The following GUCY1A2 variants were observed in gnomAD, a reference collection of about 807,000 sequenced individuals.
The protein encoded by GUCY1A2 is guanylate cyclase soluble subunit alpha-2.
Under a neutral mutation model 63.5 loss-of-function variants are expected in GUCY1A2, and 27 were observed. That is an observed-to-expected ratio of 0.43 (90% CI 0.31 to 0.59). The LOEUF (loss-of-function observed/expected upper bound fraction) is 0.59, where lower values mean the gene tolerates loss of function less well. Among genes scored for constraint, GUCY1A2 ranks in the 20% least tolerant of loss-of-function variants. The pLI is 0.11. For missense variants in GUCY1A2, 768 were observed against 913.3 expected, an observed-to-expected ratio of 0.84 and a Z score of 2.05; for synonymous variants, 364 against 343.5, an observed-to-expected ratio of 1.06 and a Z score of -0.66.
chr11:106,911,660 C>T (rs993601485), intron 4 of GUCY1A2, among the ~76,000 whole-genome samples: 1 of 151,980 alleles, frequency 6.6e-6, no homozygotes, highest in African/African-American at 2.4e-5. Flanking sequence ...TGCACAGCAC[C>T]TAATATTTTT....
chr11:107,014,576 A>G (rs1861794192), intron 1 of GUCY1A2, among the ~76,000 whole-genome samples: 1 of 152,222 alleles, frequency 6.6e-6, no homozygotes, highest in Admixed American at 6.5e-5. Context: ...ATAGTATTAG[A>G]AATTATTATA....
intron 4 of GUCY1A2, among the ~76,000 whole-genome samples, chr11:106,902,189 C>A (rs922080142): frequency 2.0e-5 from 3 of 152,112 alleles, no homozygotes; most frequent in Non-Finnish European, 2.9e-5. Flanking sequence ...TTTACTTTGT[C>A]AAAGAGCACT....
At chr11:106,872,728 C>T (rs778354519) in intron 4 of GUCY1A2, among the ~76,000 whole-genome samples, 1 of 152,118 alleles carries the variant, frequency 6.6e-6, no homozygotes, top group Non-Finnish European at 1.5e-5. Flanking sequence ...CAATTTAAGT[C>T]CCAATTCTTC....
chr11:106,714,167 T>C (rs1339234384), intron 6 of GUCY1A2, among the ~76,000 whole-genome samples: 1 of 152,036 alleles, frequency 6.6e-6, no homozygotes, highest in East Asian at 1.9e-4. Context: ...CGAAAAATGC[T>C]GAAGACAAAA....
chr11:106,964,776 G>A (rs938331176), intron 3 of GUCY1A2, among the ~76,000 whole-genome samples: 1 of 152,108 alleles, frequency 6.6e-6, no homozygotes. Flanking sequence ...TCAGGAGATC[G>A]AGACCATCCT....
At chr11:106,935,567 C>T (rs541859272) in intron 4 of GUCY1A2, among the ~76,000 whole-genome samples, 39 of 152,208 alleles carry the variant, frequency 2.6e-4, no homozygotes, top group African/African-American at 8.9e-4. Context: ...TGGCCAAGTG[C>T]GGTGGCTCAC....
intron 5 of GUCY1A2, among the ~76,000 whole-genome samples, chr11:106,782,392 TTTC>T (rs1241333892): frequency 6.6e-6 from 1 of 152,192 alleles, no homozygotes; most frequent in African/African-American, 2.4e-5. Flanking sequence ...TGAGAAATGC[TTTC>T]TTTTCTCTCT....
chr11:106,761,744 C>T (rs1864070245), intron 6 of GUCY1A2, among the ~76,000 whole-genome samples: 1 of 152,154 alleles, frequency 6.6e-6, no homozygotes, highest in Admixed American at 6.5e-5. Flanking sequence ...GTGGCTGATA[C>T]ATTATGCTTA....
chr11:106,956,238 C>T (rs2120044177), intron 3 of GUCY1A2, among the ~76,000 whole-genome samples: 1 of 151,958 alleles, frequency 6.6e-6, no homozygotes, highest in Middle Eastern at 3.4e-3. Flanking sequence ...GCTCCTTTAG[C>T]TCATCATAGT....
chr11:106,879,680 T>C (rs1859797629), intron 4 of GUCY1A2, among the ~76,000 whole-genome samples: 1 of 152,128 alleles, frequency 6.6e-6, no homozygotes. Context: ...CTCTTCTCTC[T>C]TTCCTCTGTT....
At chr11:106,769,915 A>G (rs964592461) in intron 6 of GUCY1A2, among the ~76,000 whole-genome samples, 2 of 152,124 alleles carry the variant, frequency 1.3e-5, no homozygotes, top group African/African-American at 4.8e-5. Flanking sequence ...TTATAAATAA[A>G]TAATTATCAA....
intron 6 of GUCY1A2, among the ~76,000 whole-genome samples, chr11:106,764,974 G>GGC (rs1161616911): frequency 2.1e-5 from 2 of 94,844 alleles, no homozygotes; most frequent in Non-Finnish European, 4.5e-5. Context: ...TTTTTTTGGG[G>GGC]GGGGGTTGGG....
At chr11:106,965,907 TC>T (rs1418396853) in intron 3 of GUCY1A2, among the ~76,000 whole-genome samples, 1 of 139,208 alleles carries the variant, frequency 7.2e-6, no homozygotes, top group East Asian at 2.1e-4. Context: ...CTCAACCTCC[TC>T]CATATTAAAG....
chr11:106,832,434 T>C (rs1859064048), intron 4 of GUCY1A2, among the ~76,000 whole-genome samples: 1 of 152,170 alleles, frequency 6.6e-6, no homozygotes, highest in Non-Finnish European at 1.5e-5. Context: ...GACTTAATTT[T>C]ATAGTAACCT....
intron 1 of GUCY1A2, 77 bp downstream of exon 1, chr11:107,017,676 C>G (rs1044970918): frequency 5.7e-6 from 5 of 882,522 alleles, no homozygotes; most frequent in Non-Finnish European, 7.6e-6. Context: ...CGCTCGCGCC[C>G]CGGCTCGCCC....
In GUCY1A2 at chr11:106,906,759, A is replaced by G. The variant is rs565481581; in HGVS notation, c.1206+32701T>C. 2.6e-5 allele frequency among the ~76,000 whole-genome samples: 4 copies of G among 152,322 alleles called. No individual in the cohort carries two copies. The South Asian group carries it at 8.3e-4, about 32-fold the overall frequency. ...CACCATGGAATACTATGCAGCCATA[A>G]AAAGGATGAGTTCATGTCCTTTGCA... On this transcript the variant is annotated intron_variant, in intron 4 of 7. Transcript: ENST00000526355.
chr11:107,003,934 A>G (rs1265929573), intron 1 of GUCY1A2, among the ~76,000 whole-genome samples: 6 of 152,174 alleles, frequency 3.9e-5, no homozygotes, highest in Admixed American at 1.3e-4. Context: ...TGAAGACTCA[A>G]TGGAAGTCTC....
chr11:106,936,770 A>G lies in GUCY1A2; in HGVS notation c.1206+2690T>C, dbSNP rs1289960051. ...GTTCATTGGTATTAAATGCACAAAC[A>G]AAACAGTTAAATTATGAGAGCCCTC... On this transcript the variant is annotated intron_variant, in intron 4 of 7. Transcript: ENST00000526355. 3.4e-6 allele frequency: 3 copies of G among 889,624 alleles called. No homozygotes were observed. The East Asian group carries it at 7.9e-5, about 23-fold the overall frequency. The allele number at this position is 889,624 out of a possible 1,614,324, so 55.1% of individuals were successfully genotyped here. A position where few individuals can be genotyped will look rare whatever the true frequency, so the allele number is the denominator to read the frequency against.
At chr11:106,849,209 C>T (rs192534466) in intron 4 of GUCY1A2, among the ~76,000 whole-genome samples, 2 of 151,424 alleles carry the variant, frequency 1.3e-5, no homozygotes, top group African/African-American at 2.4e-5. Flanking sequence ...TACTACCCAA[C>T]TAGAAACACT....
Sources: allele counts gnomAD v4.1 joint callset (sites outside exome capture counted in the v4.1 genomes callset), GRCh38; gene constraint gnomAD v4.1.1; transcripts MANE v1.5; gene names NCBI Gene and HGNC (gene_info 2026-07-23, HGNC 2026-07-21).